Variants in CNTNAP2 observed in about 807,000 individuals in gnomAD.
CNTNAP2 encodes the protein contactin associated protein 2.
Under a neutral mutation model 155.2 loss-of-function variants are expected in CNTNAP2, and 98 were observed. The observed-to-expected ratio is 0.63, with a 90% CI of 0.54 to 0.75. The LOEUF (loss-of-function observed/expected upper bound fraction) is 0.75. Ranked by LOEUF, CNTNAP2 falls within the 30% of genes least tolerant of loss-of-function variation. The pLI, the probability that CNTNAP2 is intolerant of heterozygous loss-of-function variation, is 0.00. For missense variants in CNTNAP2, 1,727 were observed against 1,688.1 expected (o/e 1.02, Z -0.40); for synonymous variants, 651 against 631.2 (o/e 1.03, Z -0.47).
intron 11 of CNTNAP2, among the ~76,000 whole-genome samples, chr7:147,524,662 T>C (rs1584790923): frequency 6.6e-6 from 1 of 152,270 alleles, no homozygotes; most frequent in Admixed American, 6.5e-5. Context: ...AGAAAGTAAA[T>C]TGAAAACTCT....
intron 9 of CNTNAP2, among the ~76,000 whole-genome samples, chr7:147,327,678 G>A (rs747178664): frequency 7.9e-5 from 12 of 152,056 alleles, no homozygotes; most frequent in Non-Finnish European, 1.8e-4. Flanking sequence ...CTTTCCTCAT[G>A]TTATTTATAA....
At chr7:146,806,627 A>C (rs1802972428) in intron 2 of CNTNAP2, among the ~76,000 whole-genome samples, 1 of 152,216 alleles carries the variant, frequency 6.6e-6, no homozygotes, top group Non-Finnish European at 1.5e-5. Context: ...AGCAGGAATG[A>C]GGAACCACTT....
intron 1 of CNTNAP2, among the ~76,000 whole-genome samples, chr7:146,519,540 A>G (rs535219945): frequency 2.6e-4 from 40 of 152,088 alleles, no homozygotes; most frequent in Non-Finnish European, 4.9e-4. Flanking sequence ...CATTCAGTCA[A>G]TTTTTCACAG....
chr7:146,844,182 A>G (rs1197178451), intron 3 of CNTNAP2, among the ~76,000 whole-genome samples: 2 of 152,108 alleles, frequency 1.3e-5, no homozygotes, highest in Non-Finnish European at 2.9e-5. Context: ...CAGTTTCACA[A>G]GGTTTTAGAG....
chr7:147,426,562 A>G (rs1052788895), intron 10 of CNTNAP2, among the ~76,000 whole-genome samples: 4 of 152,132 alleles, frequency 2.6e-5, no homozygotes, highest in African/African-American at 9.7e-5. Context: ...ATCCTGCACA[A>G]CTAGGTCCAT....
chr7:148,181,344 C>T (rs1795035376), intron 18 of CNTNAP2, among the ~76,000 whole-genome samples: 1 of 151,854 alleles, frequency 6.6e-6, no homozygotes, highest in African/African-American at 2.4e-5. Context: ...TGATTAAAAG[C>T]TTAAAAAATA....
intron 1 of CNTNAP2, among the ~76,000 whole-genome samples, chr7:146,443,074 C>A (rs1201213749): frequency 6.6e-6 from 1 of 151,380 alleles, no homozygotes; most frequent in Non-Finnish European, 1.5e-5. Context: ...ATTAGCTGGG[C>A]GTGGTGGCGG....
chr7:147,761,173 T>C (rs1350741641), intron 13 of CNTNAP2, among the ~76,000 whole-genome samples: 2 of 152,234 alleles, frequency 1.3e-5, no homozygotes, highest in Non-Finnish European at 1.5e-5. Context: ...TAAAGTTATC[T>C]GAAATGGTAT....
chr7:146,787,634 A>T (rs528295556), intron 2 of CNTNAP2, among the ~76,000 whole-genome samples: 1 of 152,156 alleles, frequency 6.6e-6, no homozygotes, highest in African/African-American at 2.4e-5. Flanking sequence ...GAAAAGCGAA[A>T]GAACAAACCT....
At chr7:147,469,536 T>A (rs1584752367) in intron 10 of CNTNAP2, among the ~76,000 whole-genome samples, 1 of 106,398 alleles carries the variant, frequency 9.4e-6, no homozygotes, top group East Asian at 2.4e-4. Flanking sequence ...TTTTTTTCTG[T>A]GAGACAAAGT....
intron 9 of CNTNAP2, among the ~76,000 whole-genome samples, chr7:147,331,680 C>A (rs556022434): frequency 2.6e-5 from 4 of 152,092 alleles, no homozygotes; most frequent in African/African-American, 9.6e-5. Flanking sequence ...ATAGAAGCCA[C>A]CAGAGGAGAG....
At chr7:147,123,323 T>C (rs1801158839) in intron 6 of CNTNAP2, among the ~76,000 whole-genome samples, 1 of 152,240 alleles carries the variant, frequency 6.6e-6, no homozygotes, top group Non-Finnish European at 1.5e-5. Flanking sequence ...TCTGGAACAT[T>C]AAGAATGAAG....
intron 3 of CNTNAP2, among the ~76,000 whole-genome samples, chr7:146,975,343 T>C (rs1797889818): frequency 6.6e-6 from 1 of 152,100 alleles, no homozygotes; most frequent in Admixed American, 6.6e-5. Context: ...CAGGCACCTG[T>C]AGTCCCAGAT....
chr7:148,303,530 A>C (rs1051200913), intron 21 of CNTNAP2, among the ~76,000 whole-genome samples: 5 of 152,218 alleles, frequency 3.3e-5, no homozygotes, highest in African/African-American at 1.2e-4. Context: ...GTTGCAGCTG[A>C]AATTTCTGCT....
intron 13 of CNTNAP2, among the ~76,000 whole-genome samples, chr7:147,693,844 T>C (rs1378470786): frequency 6.6e-6 from 1 of 152,040 alleles, no homozygotes; most frequent in East Asian, 1.9e-4. Flanking sequence ...TTTATTTTCT[T>C]GTCTTATTGC....
chr7:148,224,282 C>T (rs1285629135), intron 19 of CNTNAP2, among the ~76,000 whole-genome samples: 4 of 151,184 alleles, frequency 2.6e-5, no homozygotes, highest in South Asian at 4.2e-4. Context: ...TGATCATCTC[C>T]GTCATTCCCA....
chr7:147,886,829 A>G (rs1052862552), intron 13 of CNTNAP2, among the ~76,000 whole-genome samples: 2 of 151,990 alleles, frequency 1.3e-5, no homozygotes, highest in Admixed American at 1.3e-4. Flanking sequence ...CAAAATTAAC[A>G]CTCTCCTACT....
chr7:148,127,938 T>A (rs1048414103), intron 16 of CNTNAP2, among the ~76,000 whole-genome samples: 3 of 152,174 alleles, frequency 2.0e-5, no homozygotes, highest in African/African-American at 7.2e-5. Context: ...GGTGCAATCT[T>A]GGCTCACCAT....
chr7:147,648,076 C>G (rs1795396517), intron 13 of CNTNAP2, among the ~76,000 whole-genome samples: 1 of 151,984 alleles, frequency 6.6e-6, no homozygotes, highest in African/African-American at 2.4e-5. Flanking sequence ...AGGATGGCTA[C>G]ATGTAGAAAA....
Sources: gnomAD v4.1 joint callset for allele counts (sites outside exome capture counted in the v4.1 genomes callset) on GRCh38, gnomAD v4.1.1 for gene constraint, MANE v1.5 for transcripts, NCBI Gene and HGNC (gene_info 2026-07-23, HGNC 2026-07-21) for gene names.